MBTPS1: variants seen among roughly 807,000 people sequenced by gnomAD.
MBTPS1 encodes the protein membrane bound transcription factor peptidase, site 1.
In MBTPS1, 94 loss-of-function variants were observed where a neutral mutation model predicts 127.8. The ratio of observed to expected loss-of-function variants is 0.74; its 90% CI spans 0.62 to 0.87. The LOEUF (loss-of-function observed/expected upper bound fraction) is 0.87, where lower values mean the gene tolerates loss of function less well. Among genes scored for constraint, MBTPS1 ranks in the 40% least tolerant of loss-of-function variants. The pLI is 0.00. For synonymous variants in MBTPS1, 632 were observed against 509.4 expected, an observed-to-expected ratio of 1.24 and a Z score of -3.24; for missense variants, 1,636 against 1,353.2, an observed-to-expected ratio of 1.21 and a Z score of -3.28.
intron 1 of MBTPS1, among the ~76,000 whole-genome samples, chr16:84,104,504 C>A (rs926396586): frequency 1.3e-5 from 2 of 152,102 alleles, no homozygotes; most frequent in African/African-American, 4.8e-5. Context: ...CCTCTTAAAA[C>A]TTTTCTGCCT....
At chr16:84,104,536 C>T (rs1376285289) in intron 1 of MBTPS1, among the ~76,000 whole-genome samples, 1 of 152,166 alleles carries the variant, frequency 6.6e-6, no homozygotes, top group Non-Finnish European at 1.5e-5. Context: ...ATCTATGACA[C>T]ATGTGGGCTC....
chr16:84,095,104 T>A (rs1236898225), intron 4 of MBTPS1, among the ~76,000 whole-genome samples: 2 of 152,212 alleles, frequency 1.3e-5, no homozygotes, highest in Non-Finnish European at 2.9e-5. Context: ...CTGAAACAAA[T>A]CATCAGCAGG....
At chr16:84,106,005 G>C (rs1008539061) in intron 1 of MBTPS1, among the ~76,000 whole-genome samples, 1 of 152,110 alleles carries the variant, frequency 6.6e-6, no homozygotes, top group Non-Finnish European at 1.5e-5. Context: ...TTGGGAAGGA[G>C]AGAAAACAGC....
intron 1 of MBTPS1, among the ~76,000 whole-genome samples, chr16:84,107,521 A>G (rs968821712): frequency 3.3e-5 from 5 of 152,218 alleles, no homozygotes; most frequent in Middle Eastern, 3.2e-3. Context: ...TTATGGCTCA[A>G]AAAATATGGC....
chr16:84,104,741 A>G (rs971307118), intron 1 of MBTPS1, among the ~76,000 whole-genome samples: 3 of 152,164 alleles, frequency 2.0e-5, no homozygotes, highest in Non-Finnish European at 2.9e-5. Context: ...TTGCCTTTAA[A>G]AGAAATGAAA....
In MBTPS1 at chr16:84,093,723, T is replaced by C; in HGVS notation, c.724A>G (p.Thr242Ala). Residue 242 changes from threonine to alanine, a missense_variant, in exon 5 of 23, where the codon ACG (threonine) becomes GCG (alanine). Physicochemically the swap from Thr to Ala is moderately conservative, Grantham distance 58. Coordinates refer to ENST00000343411, the MANE Select transcript of MBTPS1 (RefSeq NM_003791.4). ...TGCTGAGACCCACCATCGTCCAGCG[T>C]TCGCTCGTTGGTCCAGTTGGTTCTC... ...KERTNWTNER[T>A]LDDGLGHGTF... The C allele has an allele frequency of 6.2e-7, 1 of 1,612,684 alleles. No homozygotes were observed. The highest frequency in any genetic ancestry group is 8.5e-7 in the Non-Finnish European group (1 of 1,178,666).
Position 84,085,081 on chromosome 16 carries a change from A to T in MBTPS1, c.1188T>A (p.Ala396=), listed in dbSNP as rs771825163. 1.9e-6 allele frequency: 3 copies of T among 1,614,206 alleles called. No individual in the cohort carries two copies. In the South Asian group the frequency reaches 3.3e-5, roughly 18 times the overall value. Residue 396 remains alanine, a synonymous_variant, in exon 10 of 23, where the codon GCT becomes GCA. Coordinates refer to ENST00000343411, the MANE Select transcript of MBTPS1 (RefSeq NM_003791.4). ...CTTTCACGCCAGAACCCCGCACGCC[A>T]GCACCATAGGTGACAATGTCAGGTT... ...RMKPDIVTYG[A]GVRGSGVKGG...
rs375404159 is a variant in MBTPS1 at position 84,074,733 on chromosome 16, G to T, written c.1457C>A (p.Pro486His). 6.2e-7 allele frequency: 1 copy of T among 1,612,522 alleles called. No individual in the cohort carries two copies. Among genetic ancestry groups the T allele is most frequent in the Non-Finnish European group, 8.5e-7 (1 of 1,179,538 alleles). The change falls in exon 12 of 23, where the codon CCC becomes CAC. Residue 486 changes from proline to histidine, a missense_variant. Physicochemically the swap from Pro to His is moderately conservative, Grantham distance 77. Coordinates refer to ENST00000343411, the MANE Select transcript of MBTPS1 (RefSeq NM_003791.4). ...NSYKPQASLS[P>H]SYIDLTECPY... Reference sequence around the variant, plus strand: ...ACACTCAGTCAGATCTATGTAGCTGGGGCTCAAACTGAAATAAAGAATACA... The same window carrying T: ...ACACTCAGTCAGATCTATGTAGCTGTGGCTCAAACTGAAATAAAGAATACA...
intron 2 of MBTPS1, among the ~76,000 whole-genome samples, chr16:84,099,560 C>T (rs908507153): frequency 2.0e-5 from 3 of 151,876 alleles, no homozygotes; most frequent in Admixed American, 2.0e-4. Context: ...CTGACGTGGG[C>T]AGATTACGAG....
intron 21 of MBTPS1, among the ~76,000 whole-genome samples, chr16:84,058,914 G>A (rs1300429862): frequency 6.6e-6 from 1 of 152,114 alleles, no homozygotes; most frequent in Admixed American, 6.5e-5. Context: ...GCGGCCCCCG[G>A]GGATGACAGA....
rs769356015 is a variant in MBTPS1 at position 84,054,345 on chromosome 16, G to C, written c.*104C>G. Reference sequence around the variant, plus strand: ...AACAGACTCTAACAAACCTGCAGCTGGAAACTGGATCCCTTTTAAACCAGC... The same window carrying C: ...AACAGACTCTAACAAACCTGCAGCTCGAAACTGGATCCCTTTTAAACCAGC... On this transcript the variant is annotated 3_prime_UTR_variant, in exon 23 of 23. Coordinates refer to ENST00000343411, the MANE Select transcript of MBTPS1 (RefSeq NM_003791.4). The C allele has an allele frequency of 9.5e-7, 1 of 1,052,342 alleles. No individual in the cohort carries two copies. The highest frequency in any genetic ancestry group is 2.8e-5 in the East Asian group (1 of 36,336). The allele number at this position is 1,052,342 out of a possible 1,614,324, so 65.2% of individuals were successfully genotyped here. A position where few individuals can be genotyped will look rare whatever the true frequency, so the allele number is the denominator to read the frequency against.
chr16:84,072,254 A>C (rs1423747724), intron 12 of MBTPS1: 1 of 152,236 alleles, frequency 6.6e-6, no homozygotes, highest in Non-Finnish European at 1.5e-5. Context: ...TGATGTGAGA[A>C]GTCCAGAACA....
chr16:84,096,393 T>C (rs2086180593), intron 3 of MBTPS1, among the ~76,000 whole-genome samples: 1 of 152,232 alleles, frequency 6.6e-6, no homozygotes, highest in Admixed American at 6.5e-5. Flanking sequence ...TTATTCCATA[T>C]CTTGATTTTG....
In MBTPS1 at chr16:84,076,165, TC is replaced by T. The variant is rs537705662; in HGVS notation, c.1449-1425del. Among the ~76,000 whole-genome samples the T allele has an allele frequency of 2.0e-4, 30 of 152,300 alleles. No homozygotes were observed. The South Asian group carries it at 6.2e-3, about 32-fold the overall frequency. ...ATCATAAACCATATATATTAATAGG[TC>T]TAAAGTATTCATATGATTACCTTTC... On this transcript the variant is annotated intron_variant, in intron 11 of 22. Coordinates refer to ENST00000343411, the MANE Select transcript of MBTPS1 (RefSeq NM_003791.4).
In MBTPS1 at chr16:84,069,911, T is replaced by C. The variant is rs368462390; in HGVS notation, c.1910A>G (p.Tyr637Cys). The C allele has an allele frequency of 3.7e-6, 6 of 1,614,104 alleles. No homozygotes were observed. Among genetic ancestry groups the C allele is most frequent in the Non-Finnish European group, 5.1e-6 (6 of 1,180,022 alleles). The change falls in exon 14 of 23, where the codon TAT becomes TGT. Residue 637 changes from tyrosine to cysteine, a missense_variant. Physicochemically the swap from Tyr to Cys is radical, Grantham distance 194 (BLOSUM62 -2). Transcript: ENST00000343411. ...CATCCTTAAATTATCCCTGGGGAAATAGCCAGGTGGATAGCGGAGGTTGTG... is the reference window on the plus strand; with the variant it reads ...CATCCTTAAATTATCCCTGGGGAAACAGCCAGGTGGATAGCGGAGGTTGTG... Reference protein sequence around the residue: ...QYHNLRYPPGYFPRDNLRMKN... With the variant: ...QYHNLRYPPGCFPRDNLRMKN...
At chr16:84,090,577 A>G (rs992266847) in intron 8 of MBTPS1, among the ~76,000 whole-genome samples, 5 of 152,150 alleles carry the variant, frequency 3.3e-5, no homozygotes, top group African/African-American at 4.8e-5. Context: ...ATTTTTGGGG[A>G]AAAAAAGTAG....
intron 21 of MBTPS1, 56 bp from the exon 22 acceptor site, chr16:84,056,191 A>C: frequency 6.8e-7 from 1 of 1,467,610 alleles, no homozygotes; most frequent in South Asian, 1.2e-5. Flanking sequence ...TAGTCTAGGT[A>C]CTAGTCTAGG....
chr16:84,081,691 T>G, intron 11 of MBTPS1, 56 bp downstream of exon 11: 2 of 1,276,420 alleles, frequency 1.6e-6, no homozygotes, highest in Non-Finnish European at 2.0e-6. Flanking sequence ...AGAGGGAAAA[T>G]TCGCCCAGAG....
At chr16:84,089,355 G>A (rs539167071) in intron 8 of MBTPS1, among the ~76,000 whole-genome samples, 6 of 152,278 alleles carry the variant, frequency 3.9e-5, no homozygotes, top group East Asian at 1.9e-4. Flanking sequence ...ACACAATAAC[G>A]CCTAAAATAT....
Sources: gnomAD v4.1 joint callset for allele counts (sites outside exome capture counted in the v4.1 genomes callset) on GRCh38, gnomAD v4.1.1 for gene constraint, MANE v1.5 for transcripts, NCBI Gene and HGNC (gene_info 2026-07-23, HGNC 2026-07-21) for gene names.